The following LY6H variants were observed in gnomAD, a reference collection of about 807,000 sequenced individuals.
LY6H encodes the protein lymphocyte antigen 6H.
A neutral mutation model predicts 14.6 loss-of-function variants in LY6H; 8 were observed. The observed-to-expected ratio is 0.55, with a 90% CI of 0.32 to 0.99. LY6H has a LOEUF of 0.99. LY6H is among the 50% of genes least tolerant of loss of function. The pLI, the probability that LY6H is intolerant of heterozygous loss-of-function variation, is 0.04. For synonymous variants in LY6H, 115 were observed against 97.2 expected (o/e 1.18, Z -1.08); for missense variants, 196 against 219.6 (o/e 0.89, Z 0.68).
rs916317778 is a variant in LY6H at position 143,158,002 on chromosome 8, T to TC, written c.*247dup. The TC allele has an allele frequency of 1.9e-4, 84 of 435,410 alleles. No individual in the cohort carries two copies. Among genetic ancestry groups the TC allele is most frequent in the South Asian group, 7.6e-4 (11 of 14,558 alleles). 27.0% of individuals were successfully genotyped at this position (435,410 alleles called of 1,614,324 possible). A position where few individuals can be genotyped will look rare whatever the true frequency, so the allele number is the denominator to read the frequency against. On this transcript the variant is annotated 3_prime_UTR_variant, in exon 4 of 4. Coordinates refer to ENST00000342752, the MANE Select transcript of LY6H (RefSeq NM_001135655.2). The stretch of plus-strand genomic sequence containing the variant: ...TCACTTCCCCTCCGGGACCTGGGGG[T>TC]CCCCCCCCACCCTCATCCCCAGGCC...
chr8:143,159,922 C>G, intron 1 of LY6H: 1 of 1,223,296 alleles, frequency 8.2e-7, no homozygotes, highest in Non-Finnish European at 1.0e-6. Context: ...GACGCCTCCG[C>G]CCCGCGCCGG....
chr8:143,158,612 C>T, intron 3 of LY6H, 127 bp from the exon 4 acceptor site: 1 of 1,142,240 alleles, frequency 8.8e-7, no homozygotes, highest in Non-Finnish European at 1.3e-6. Flanking sequence ...AGTCCCTCCA[C>T]CCTCCCACGC....
intron 1 of LY6H, 183 bp from the exon 2 acceptor site, chr8:143,159,892 G>A: frequency 8.7e-7 from 1 of 1,150,344 alleles, no homozygotes; most frequent in Non-Finnish European, 1.1e-6. Flanking sequence ...TCTGGCCTCT[G>A]GGGCGAGGTG....
intron 1 of LY6H, 157 bp downstream of exon 1, chr8:143,160,040 TG>T: frequency 1.1e-5 from 11 of 1,025,636 alleles, no homozygotes; most frequent in East Asian, 3.3e-5. Context: ...GACCTGCCAC[TG>T]GGGGGAGGGG....
chr8:143,159,560 A>G (rs1815542491), intron 2 of LY6H, 22 bp downstream of exon 2: 10 of 1,492,732 alleles, frequency 6.7e-6, no homozygotes, highest in Non-Finnish European at 7.1e-6. Context: ...CACCTGACCC[A>G]GCCCGCGGGC....
Position 143,158,284 on chromosome 8 carries a change from C to G in LY6H, c.452G>C (p.Ser151Thr). The change falls in exon 4 of 4, where the codon AGC becomes ACC. Residue 151 changes from serine to threonine, a missense_variant. Coordinates refer to ENST00000342752, the MANE Select transcript of LY6H (RefSeq NM_001135655.2). ...AGCCCAGAGGAGGGCAGGCCCCAGG[C>G]TGAGCAGGAGCCCCCCGGCCAGGGC... ...PWALAGGLLLSLGPALLWAGP is the reference protein window; with the variant it reads ...PWALAGGLLLTLGPALLWAGP 6.2e-7 allele frequency: 1 copy of G among 1,613,228 alleles called. No homozygotes were observed. The highest frequency in any genetic ancestry group is 8.5e-7 in the Non-Finnish European group (1 of 1,179,628).
Position 143,157,996 on chromosome 8 carries a change from TGGGG to T in LY6H, c.*250_*253del. The T allele has an allele frequency of 2.2e-6, 1 of 462,706 alleles. No individual in the cohort carries two copies. The highest frequency in any genetic ancestry group is 3.8e-6 in the Non-Finnish European group (1 of 265,144). The allele number at this position is 462,706 out of a possible 1,614,324, so 28.7% of individuals were successfully genotyped here. A position where few individuals can be genotyped will look rare whatever the true frequency, so the allele number is the denominator to read the frequency against. ...GTTGCTTCACTTCCCCTCCGGGACC[TGGGG>T]GTCCCCCCCCACCCTCATCCCCAGG... On this transcript the variant is annotated 3_prime_UTR_variant, in exon 4 of 4. Coordinates refer to ENST00000342752, the MANE Select transcript of LY6H (RefSeq NM_001135655.2).
intron 1 of LY6H, 141 bp downstream of exon 1, chr8:143,160,057 G>A: frequency 1.1e-6 from 1 of 915,516 alleles, no homozygotes; most frequent in Non-Finnish European, 1.4e-6. Flanking sequence ...AGGGGCGCGT[G>A]CCAGGTCCCC....
rs751264631 is a variant in LY6H at position 143,158,264 on chromosome 8, AGAG to A, written c.469_471del (p.Leu157del). On this transcript the variant is annotated inframe_deletion, in exon 4 of 4. Coordinates refer to ENST00000342752, the MANE Select transcript of LY6H (RefSeq NM_001135655.2). ...AGGAGGAGACATCAGGGCCCAGCCC[AGAG>A]GAGGGCAGGCCCCAGGCTGAGCAGG... 6.2e-7 allele frequency: 1 copy of A among 1,610,420 alleles called. No individual in the cohort carries two copies.
At chr8:143,159,076 C>T (rs1231126150) in intron 2 of LY6H, 154 bp from the exon 3 acceptor site, 1 of 1,073,454 alleles carries the variant, frequency 9.3e-7, no homozygotes, top group African/African-American at 1.6e-5. Context: ...GGAGGGGGAG[C>T]AGAGGCCCTG....
chr8:143,160,206 G>A lies in LY6H; in HGVS notation c.-7C>T, dbSNP rs780814878. The A allele has an allele frequency of 1.0e-5, 13 of 1,284,756 alleles. No homozygotes were observed. Among genetic ancestry groups the A allele is most frequent in the Non-Finnish European group, 1.3e-5 (13 of 1,015,432 alleles). The allele number at this position is 1,284,756 out of a possible 1,614,324, so 79.6% of individuals were successfully genotyped here. ...TCGGGGGGCTCACTCACATCCCGGG[G>A]GTGTCCGCACTCCGGGCTCGGGCGG... On this transcript the variant is annotated 5_prime_UTR_variant, in exon 1 of 4. Coordinates refer to ENST00000342752, the MANE Select transcript of LY6H (RefSeq NM_001135655.2).
At position 143,159,769 on chromosome 8, in the gene LY6H, G is replaced by C. The variant is rs1277309452; in HGVS notation, c.3-60C>G. 1.2e-5 allele frequency: 16 copies of C among 1,310,106 alleles called. No individual in the cohort carries two copies. The East Asian group carries it at 4.4e-4, about 36-fold the overall frequency. The allele number at this position is 1,310,106 out of a possible 1,614,324, so 81.2% of individuals were successfully genotyped here. A position where few individuals can be genotyped will look rare whatever the true frequency, so the allele number is the denominator to read the frequency against. ...AGACCCTCTCCTTTCCCAGCCTCAG[G>C]ATGCAACCTTCTCCCCGGAATCCAA... On this transcript the variant is annotated intron_variant, in intron 1 of 3. Transcript: ENST00000342752.
At chr8:143,160,379 G>A (rs1815571679), upstream of LY6H, 1 of 243,830 alleles carries the variant, frequency 4.1e-6, no homozygotes, top group Non-Finnish European at 7.1e-6. Context: ...GGGGGGCGGG[G>A]GCGGCTGGGA....
intron 2 of LY6H, chr8:143,159,308 G>C: frequency 1.8e-6 from 1 of 543,480 alleles, no homozygotes; most frequent in Non-Finnish European, 3.2e-6. Context: ...AAGGAGGCCC[G>C]GGAGGCTCTC....
At position 143,160,321 on chromosome 8, in the gene LY6H, C is replaced by T; in HGVS notation, c.-122G>A. 1.3e-6 allele frequency: 1 copy of T among 784,060 alleles called. No individual in the cohort carries two copies. The highest frequency in any genetic ancestry group is 1.7e-6 in the Non-Finnish European group (1 of 588,048). 48.6% of individuals were successfully genotyped at this position (784,060 alleles called of 1,614,324 possible). On this transcript the variant is annotated 5_prime_UTR_variant, in exon 1 of 4. Transcript: ENST00000342752. Reference sequence around the variant, plus strand: ...GTCTTTCGGGGAACGCAGCCGCAGACGCGGACCCCGCGCGAGGGGCGGGGC... The same window carrying T: ...GTCTTTCGGGGAACGCAGCCGCAGATGCGGACCCCGCGCGAGGGGCGGGGC...
chr8:143,159,255 A>G, intron 2 of LY6H: 1 of 547,884 alleles, frequency 1.8e-6, no homozygotes, highest in Non-Finnish European at 3.3e-6. Context: ...TCCCCCCCAG[A>G]GGTCCGTGGG....
Position 143,158,140 on chromosome 8 carries a change from C to T in LY6H, c.*110G>A. The T allele has an allele frequency of 1.4e-6, 1 of 701,438 alleles. No homozygotes were observed. Among genetic ancestry groups the T allele is most frequent in the Middle Eastern group, 4.0e-4 (1 of 2,526 alleles). The allele number at this position is 701,438 out of a possible 1,614,324, so 43.5% of individuals were successfully genotyped here. A position where few individuals can be genotyped will look rare whatever the true frequency, so the allele number is the denominator to read the frequency against. On this transcript the variant is annotated 3_prime_UTR_variant, in exon 4 of 4. Coordinates refer to ENST00000342752, the MANE Select transcript of LY6H (RefSeq NM_001135655.2). ...GAGGAGTGAGAGCCACAGGCCACAG[C>T]CACGGAGCTGGGCCAAGGCTGCCCC...
In LY6H at chr8:143,159,661, C is replaced by T. The variant is rs967941722; in HGVS notation, c.51G>A (p.Arg17=). The T allele has an allele frequency of 1.4e-6, 2 of 1,410,076 alleles. No homozygotes were observed. The highest frequency in any genetic ancestry group is 1.8e-6 in the Non-Finnish European group (2 of 1,093,730). 87.3% of individuals were successfully genotyped at this position (1,410,076 alleles called of 1,614,324 possible). A position where few individuals can be genotyped will look rare whatever the true frequency, so the allele number is the denominator to read the frequency against. Residue 17 remains arginine (R), a synonymous_variant, in exon 2 of 4, where the codon AGG becomes AGA. Transcript: ENST00000342752. ...TRAPSPRAAP[R]PTRSMLPAAM... is the part of the protein sequence containing the mutation. ...CTGCAGGCAGCATGCTCCGGGTGGG[C>T]CTGGGGGCGGCGCGGGGGCTTGGGG...
rs1163679743 is a variant in LY6H at position 143,158,082 on chromosome 8, C to A, written c.*168G>T. The A allele has an allele frequency of 1.7e-6, 1 of 589,314 alleles. No individual in the cohort carries two copies. The highest frequency in any genetic ancestry group is 1.9e-5 in the African/African-American group (1 of 53,500). 36.5% of individuals were successfully genotyped at this position (589,314 alleles called of 1,614,324 possible). A position where few individuals can be genotyped will look rare whatever the true frequency, so the allele number is the denominator to read the frequency against. On this transcript the variant is annotated 3_prime_UTR_variant, in exon 4 of 4. Coordinates refer to ENST00000342752, the MANE Select transcript of LY6H (RefSeq NM_001135655.2). ...ATGTCCAGCTGCCTGGGACTCAGAG[C>A]TGGCGGAGAGACAGGGAGGCTTCAC...
Sources: allele counts gnomAD v4.1 joint callset, GRCh38; gene constraint gnomAD v4.1.1; transcripts MANE v1.5; gene names NCBI Gene and HGNC (gene_info 2026-07-23, HGNC 2026-07-21).